CCBE1: variants seen among roughly 807,000 people sequenced by gnomAD.
The protein encoded by CCBE1 is collagen and calcium-binding EGF domain-containing protein 1.
CCBE1 carries 37 observed loss-of-function variants against 50.0 expected under a neutral mutation model. The ratio of observed to expected loss-of-function variants is 0.74; its 90% CI spans 0.57 to 0.97. The LOEUF (loss-of-function observed/expected upper bound fraction) is 0.97, where lower values mean the gene tolerates loss of function less well. Ranked by LOEUF, CCBE1 falls within the 50% of genes least tolerant of loss-of-function variation. The pLI is 0.00. For missense variants in CCBE1, 538 were observed against 523.8 expected, an observed-to-expected ratio of 1.03 and a Z score of -0.26; for synonymous variants, 234 against 203.7, an observed-to-expected ratio of 1.15 and a Z score of -1.27.
intron 2 of CCBE1, among the ~76,000 whole-genome samples, chr18:59,561,459 G>A (rs957766505): frequency 4.6e-5 from 7 of 152,182 alleles, no homozygotes; most frequent in Non-Finnish European, 8.8e-5. Context: ...GCAGACATCC[G>A]GCCACAGTGA....
At chr18:59,569,379 T>C (rs1330188682) in intron 2 of CCBE1, among the ~76,000 whole-genome samples, 1 of 152,216 alleles carries the variant, frequency 6.6e-6, no homozygotes, top group Non-Finnish European at 1.5e-5. Flanking sequence ...CCTATTAGAT[T>C]TCAGATGCCA....
At chr18:59,581,916 AGT>A (rs1232065906) in intron 2 of CCBE1, among the ~76,000 whole-genome samples, 1 of 152,152 alleles carries the variant, frequency 6.6e-6, no homozygotes, top group Non-Finnish European at 1.5e-5. Flanking sequence ...AGTTCCATTT[AGT>A]GTTTTGGGTT....
chr18:59,629,785 G>A (rs1356582623), intron 2 of CCBE1, among the ~76,000 whole-genome samples: 1 of 152,148 alleles, frequency 6.6e-6, no homozygotes, highest in Non-Finnish European at 1.5e-5. Context: ...TGTGCCTGGA[G>A]GTTCTCAACA....
chr18:59,484,062 C>T (rs1912701455), intron 2 of CCBE1, among the ~76,000 whole-genome samples: 1 of 152,108 alleles, frequency 6.6e-6, no homozygotes, highest in Non-Finnish European at 1.5e-5. Context: ...GATGAGGTAC[C>T]AGAAGTACAG....
chr18:59,694,472 T>C (rs1305556896), intron 2 of CCBE1, among the ~76,000 whole-genome samples: 1 of 152,200 alleles, frequency 6.6e-6, no homozygotes. Context: ...TTTAAGGATC[T>C]GTCTAAATAG....
chr18:59,602,818 C>T (rs183412791), intron 2 of CCBE1, among the ~76,000 whole-genome samples: 4 of 152,172 alleles, frequency 2.6e-5, no homozygotes, highest in Non-Finnish European at 4.4e-5. Context: ...AGCTGCTATG[C>T]GCTCTGACAA....
At chr18:59,557,597 G>A (rs1207285892) in intron 2 of CCBE1, among the ~76,000 whole-genome samples, 1 of 152,016 alleles carries the variant, frequency 6.6e-6, no homozygotes, top group Admixed American at 6.5e-5. Flanking sequence ...GTTTGCATAG[G>A]GTGTAGTAAC....
chr18:59,606,612 AAC>A (rs1485536155), intron 2 of CCBE1, among the ~76,000 whole-genome samples: 1 of 152,172 alleles, frequency 6.6e-6, no homozygotes, highest in African/African-American at 2.4e-5. Context: ...GGGTGACATA[AAC>A]AAACCTTGGA....
chr18:59,526,702 T>G (rs1390439293), intron 2 of CCBE1, among the ~76,000 whole-genome samples: 1 of 152,196 alleles, frequency 6.6e-6, no homozygotes, highest in Non-Finnish European at 1.5e-5. Flanking sequence ...GATTCTGGTA[T>G]GTTGTCTGTT....
At chr18:59,646,652 A>T (rs1010371483) in intron 2 of CCBE1, among the ~76,000 whole-genome samples, 1 of 152,248 alleles carries the variant, frequency 6.6e-6, no homozygotes, top group African/African-American at 2.4e-5. Context: ...AACCTAATAC[A>T]GTTAAGAATA....
intron 2 of CCBE1, among the ~76,000 whole-genome samples, chr18:59,618,583 T>A (rs1328635021): frequency 2.0e-5 from 3 of 152,080 alleles, no homozygotes; most frequent in Non-Finnish European, 4.4e-5. Context: ...TACAGGTGCG[T>A]GCCACCAAAC....
At chr18:59,489,987 G>GT (rs199609938) in intron 2 of CCBE1, among the ~76,000 whole-genome samples, 3,178 of 122,106 alleles carry the variant, frequency 0.026, 197 homozygotes, top group East Asian at 0.21. Context: ...CGCATAAGGA[G>GT]TTTTTTTTTT....
rs190835071 is a variant in CCBE1, at chr18:59,442,460, G to C, written c.776-2644C>G. ...TTAAAAATTGGGGCCAGGTGCGGTG[G>C]CTCATGCCTGTAATCCCAGCACTTT... On this transcript the variant is annotated intron_variant, in intron 7 of 10. Transcript: ENST00000439986. Among the ~76,000 whole-genome samples the C allele has an allele frequency of 2.0e-5, 3 of 152,258 alleles. No individual in the cohort carries two copies. The East Asian group carries it at 5.8e-4, about 29-fold the overall frequency.
intron 2 of CCBE1, among the ~76,000 whole-genome samples, chr18:59,524,750 C>T (rs1914747829): frequency 6.6e-6 from 1 of 151,744 alleles, no homozygotes; most frequent in South Asian, 2.1e-4. Context: ...TGATGCTCTC[C>T]CACACCCCTC....
At chr18:59,557,959 T>C (rs1036345747) in intron 2 of CCBE1, among the ~76,000 whole-genome samples, 1 of 152,230 alleles carries the variant, frequency 6.6e-6, no homozygotes, top group African/African-American at 2.4e-5. Context: ...ACCATGTCAC[T>C]ATCATAACCA....
chr18:59,663,512 G>T (rs1430231143), intron 2 of CCBE1, among the ~76,000 whole-genome samples: 1 of 152,118 alleles, frequency 6.6e-6, no homozygotes, highest in Non-Finnish European at 1.5e-5. Context: ...GTTCTGTGAG[G>T]CTGGGCCTTG....
At chr18:59,667,160 C>G (rs1007953949) in intron 2 of CCBE1, among the ~76,000 whole-genome samples, 12 of 151,924 alleles carry the variant, frequency 7.9e-5, no homozygotes, top group Admixed American at 6.6e-4. Flanking sequence ...TCCCAGCTAC[C>G]CAGGAAGCTG....
chr18:59,522,826 A>T (rs1445204882), intron 2 of CCBE1, among the ~76,000 whole-genome samples: 2 of 151,748 alleles, frequency 1.3e-5, no homozygotes, highest in Non-Finnish European at 2.9e-5. Context: ...CGTCTCTACT[A>T]AGAAAAATAC....
Position 59,461,729 on chromosome 18 carries a change from C to CTTTTTTTT in CCBE1, c.553+5002_553+5009dup, listed in dbSNP as rs36013463. Among the ~76,000 whole-genome samples the CTTTTTTTT allele has an allele frequency of 3.5e-4, 38 of 109,320 alleles. 1 individual carries two copies. The highest frequency in any genetic ancestry group is 1.2e-3 in the African/African-American group (34 of 27,384). The allele number at this position is 109,320 out of a possible 152,430, so 71.7% of individuals were successfully genotyped here. A position where few individuals can be genotyped will look rare whatever the true frequency, so the allele number is the denominator to read the frequency against. On this transcript the variant is annotated intron_variant, in intron 5 of 10. Transcript: ENST00000439986. Reference sequence around the variant, plus strand: ...GAGAGGATTCCCAGCCAGGTGTAATCTTTTTTTTTTTTTTTTTTTTTGAGA... The same window carrying CTTTTTTTT: ...GAGAGGATTCCCAGCCAGGTGTAATCTTTTTTTTTTTTTTTTTTTTTTTTTTTTTGAGA...
Sources: allele counts gnomAD v4.1 joint callset (sites outside exome capture counted in the v4.1 genomes callset), GRCh38; gene constraint gnomAD v4.1.1; transcripts MANE v1.5; gene names NCBI Gene and HGNC (gene_info 2026-07-23, HGNC 2026-07-21).